The following DENND2A variants were observed in gnomAD, a reference collection of about 807,000 sequenced individuals.
DENND2A encodes the protein DENN domain containing 2A, also known as DENN domain-containing protein 2A.
A neutral mutation model predicts 105.3 loss-of-function variants in DENND2A; 53 were observed. That is an observed-to-expected ratio of 0.50 (90% CI 0.40 to 0.63). The LOEUF is 0.63. DENND2A is among the 30% of genes least tolerant of loss of function. The pLI, the probability that DENND2A is intolerant of heterozygous loss-of-function variation, is 0.00. For missense variants in DENND2A, 1,138 were observed against 1,279.6 expected (o/e 0.89, Z 1.69); for synonymous variants, 522 against 508.4 (o/e 1.03, Z -0.36).
intron 1 of DENND2A, among the ~76,000 whole-genome samples, chr7:140,633,632 G>C (rs1205336362): frequency 6.6e-6 from 1 of 152,140 alleles, no homozygotes; most frequent in Admixed American, 6.5e-5. Context: ...AAATTGCTTT[G>C]CTAGGTTGGC....
intron 9 of DENND2A, among the ~76,000 whole-genome samples, chr7:140,565,966 G>C (rs2130589622): frequency 6.6e-6 from 1 of 152,304 alleles, no homozygotes; most frequent in East Asian, 1.9e-4. Context: ...GATCTAAAAA[G>C]GGGAGGCATG....
At chr7:140,534,081 ATT>A (rs3042407) in intron 14 of DENND2A, among the ~76,000 whole-genome samples, 12,016 of 79,970 alleles carry the variant, frequency 0.15, 875 homozygotes, top group Admixed American at 0.22. Flanking sequence ...TGCCTGGTTA[ATT>A]TTTTTTTTTT....
At position 140,546,850 on chromosome 7, in the gene DENND2A, G is replaced by A; in HGVS notation, c.2127C>T (p.Ala709=). 6.2e-7 allele frequency: 1 copy of A among 1,614,174 alleles called. No individual in the cohort carries two copies. The highest frequency in any genetic ancestry group is 8.5e-7 in the Non-Finnish European group (1 of 1,180,008). The change falls in exon 13 of 20, where the codon GCC becomes GCT. Residue 709 remains alanine (A), a synonymous_variant. Coordinates refer to ENST00000496613, the MANE Select transcript of DENND2A (RefSeq NM_015689.5). Reference sequence around the variant, plus strand: ...TCTTGACAAGGATGGTTTTGCCCAGGGCTGGGAAAGGGGCTTCCATGACAC... The same window carrying A: ...TCTTGACAAGGATGGTTTTGCCCAGAGCTGGGAAAGGGGCTTCCATGACAC... ...MRSVMEAPFP[A]LGKTILVKNF... is the part of the protein sequence containing the mutation.
At chr7:140,639,168 A>G (rs1176083557) in intron 1 of DENND2A, among the ~76,000 whole-genome samples, 2 of 152,002 alleles carry the variant, frequency 1.3e-5, no homozygotes, top group Admixed American at 1.3e-4. Context: ...CCTGGCCAAC[A>G]TGGTGAAACC....
chr7:140,527,492 G>A lies in DENND2A; in HGVS notation c.2331C>T (p.Ile777=), dbSNP rs766520796. ...RVIFIADKLS[I]LSKCCHAMVA... The stretch of plus-strand genomic sequence containing the variant: ...CCATCGCGTGGCAGCACTTGGACAG[G>A]ATGCTGCAGCCGGGGAGAGAACAGG... The change falls in exon 15 of 20, where the codon ATC becomes ATT. Residue 777 remains isoleucine (I), a synonymous_variant. Coordinates refer to ENST00000496613, the MANE Select transcript of DENND2A (RefSeq NM_015689.5). This position sits in a 1 kb window ranked among gnomAD's most constrained non-coding sequence, Gnocchi z 4.9. 2 of 1,598,088 alleles carry A rather than the reference G, an allele frequency of 1.3e-6. No individual in the cohort carries two copies. Among genetic ancestry groups the A allele is most frequent in the East Asian group, 2.3e-5 (1 of 44,392 alleles).
In DENND2A at chr7:140,636,684, CTTTTTTTTTTT is replaced by C. The variant is rs35563637; in HGVS notation, c.-248+3809_-248+3819del. On this transcript the variant is annotated intron_variant, in intron 1 of 19. Coordinates refer to ENST00000496613, the MANE Select transcript of DENND2A (RefSeq NM_015689.5). ...GTTGTTTTGAATCTCCCTCCCCAGC[CTTTTTTTTTTT>C]TTTTTTTTTTTTGGACACAGGGCCT... Among the ~76,000 whole-genome samples the C allele has an allele frequency of 8.1e-5, 8 of 98,364 alleles. No homozygotes were observed. In the South Asian group the frequency reaches 2.5e-3, roughly 31 times the overall value. The allele number at this position is 98,364 out of a possible 152,430, so 64.5% of individuals were successfully genotyped here. A position where few individuals can be genotyped will look rare whatever the true frequency, so the allele number is the denominator to read the frequency against.
intron 1 of DENND2A, among the ~76,000 whole-genome samples, chr7:140,634,283 C>A (rs984212734): frequency 6.6e-6 from 1 of 152,124 alleles, no homozygotes; most frequent in Non-Finnish European, 1.5e-5. Flanking sequence ...CAGGCGTGAG[C>A]CACCGCGCCC....
At chr7:140,521,817 C>G (rs753887128) in intron 18 of DENND2A, 38 bp downstream of exon 18, 2 of 1,608,762 alleles carry the variant, frequency 1.2e-6, no homozygotes, top group Non-Finnish European at 1.7e-6. Context: ...ATAGGGAGCT[C>G]TAGCTGACTC....
chr7:140,625,709 AC>A (rs1189136192), intron 1 of DENND2A, among the ~76,000 whole-genome samples: 1 of 152,044 alleles, frequency 6.6e-6, no homozygotes, highest in Non-Finnish European at 1.5e-5. Context: ...ACAAAAACAA[AC>A]AAAAAAACGA....
intron 1 of DENND2A, among the ~76,000 whole-genome samples, chr7:140,637,993 C>A (rs558605403): frequency 6.6e-6 from 1 of 151,950 alleles, no homozygotes; most frequent in African/African-American, 2.4e-5. Flanking sequence ...GCAGTTCACT[C>A]CCCTAGACAT....
chr7:140,611,939 A>C (rs145376498), intron 1 of DENND2A, among the ~76,000 whole-genome samples: 2 of 152,148 alleles, frequency 1.3e-5, no homozygotes, highest in Non-Finnish European at 2.9e-5. Context: ...TGAACTGTAC[A>C]GTTTAAGATG....
intron 12 of DENND2A, among the ~76,000 whole-genome samples, chr7:140,555,174 C>A (rs1797306211): frequency 6.6e-6 from 1 of 151,556 alleles, no homozygotes; most frequent in Non-Finnish European, 1.5e-5. Context: ...CACTCTGTCA[C>A]CCAGGCTGGA....
chr7:140,594,274 G>C (rs1019947808), intron 3 of DENND2A, among the ~76,000 whole-genome samples: 1 of 152,018 alleles, frequency 6.6e-6, no homozygotes, highest in Non-Finnish European at 1.5e-5. Flanking sequence ...ATTGCCCTTA[G>C]GTAATAGGCC....
intron 3 of DENND2A, among the ~76,000 whole-genome samples, chr7:140,600,811 T>C (rs918189404): frequency 2.6e-5 from 4 of 152,328 alleles, no homozygotes; most frequent in Non-Finnish European, 4.4e-5. Flanking sequence ...AGAAATGGAC[T>C]AGAGATTAAG....
chr7:140,611,130 C>T (rs1402112902), intron 1 of DENND2A, among the ~76,000 whole-genome samples: 1 of 152,194 alleles, frequency 6.6e-6, no homozygotes, highest in Non-Finnish European at 1.5e-5. Context: ...ACCGCCACTC[C>T]ACCTCCCAGG....
chr7:140,601,640 C>T lies in DENND2A; in HGVS notation c.758G>A (p.Gly253Asp), dbSNP rs772645341. The change falls in exon 3 of 20, where the codon GGC (glycine) becomes GAC (aspartate). Residue 253 changes from glycine (G) to aspartate (D), a missense_variant. By Grantham distance (94) the Gly-to-Asp change is moderately conservative. Transcript: ENST00000496613. ...GGGCTTTGTGGGGGAACCCTCCGAGCCCCTATACACGTTCTCAAGGCTCCG... is the reference window on the plus strand; with the variant it reads ...GGGCTTTGTGGGGGAACCCTCCGAGTCCCTATACACGTTCTCAAGGCTCCG... ...WDRSLENVYR[G>D]SEGSPTKPFI... The T allele has an allele frequency of 6.2e-7, 1 of 1,612,052 alleles. No individual in the cohort carries two copies. Among genetic ancestry groups the T allele is most frequent in the Non-Finnish European group, 8.5e-7 (1 of 1,178,524 alleles).
intron 14 of DENND2A, among the ~76,000 whole-genome samples, chr7:140,543,348 T>G (rs1490934603): frequency 1.3e-5 from 2 of 150,596 alleles, no homozygotes; most frequent in Admixed American, 1.3e-4. Flanking sequence ...TTGCCCAGGC[T>G]GGTCTCAAAC....
At position 140,527,227 on chromosome 7, in the gene DENND2A, T is replaced by G; in HGVS notation, c.2505+91A>C. On this transcript the variant is annotated intron_variant, in intron 15 of 19. Coordinates refer to ENST00000496613, the MANE Select transcript of DENND2A (RefSeq NM_015689.5). This position sits in a 1 kb window ranked among gnomAD's most constrained non-coding sequence, Gnocchi z 4.9. ...CCCTGCTCCCCAACACTGCTGGCTC[T>G]GAGAACCGCTCCATGATGCCTGCAG... is the stretch of plus-strand genomic sequence containing the variant. 1.7e-5 allele frequency: 23 copies of G among 1,385,124 alleles called. No homozygotes were observed. The highest frequency in any genetic ancestry group is 2.6e-5 in the East Asian group (1 of 38,792). The allele number at this position is 1,385,124 out of a possible 1,614,324, so 85.8% of individuals were successfully genotyped here. A position where few individuals can be genotyped will look rare whatever the true frequency, so the allele number is the denominator to read the frequency against.
chr7:140,555,844 A>T, intron 11 of DENND2A, 131 bp from the exon 12 acceptor site: 1 of 638,622 alleles, frequency 1.6e-6, no homozygotes, highest in Non-Finnish European at 2.6e-6. Flanking sequence ...AACCCAATAA[A>T]GTAAGTTGTT....
Sources: allele counts gnomAD v4.1 joint callset (sites outside exome capture counted in the v4.1 genomes callset), GRCh38; gene constraint gnomAD v4.1.1; non-coding constraint Gnocchi (gnomAD v3.1); transcripts MANE v1.5; gene names NCBI Gene and HGNC (gene_info 2026-07-23, HGNC 2026-07-21).